STYXL2: variants seen among roughly 807,000 people sequenced by gnomAD.
The protein encoded by STYXL2 is serine/threonine/tyrosine interacting like 2.
STYXL2 carries 44 observed loss-of-function variants against 52.4 expected under a neutral mutation model. The observed-to-expected ratio is 0.84, with a 90% CI of 0.66 to 1.08. STYXL2 has a LOEUF of 1.08. Ranked by LOEUF, STYXL2 falls within the 50% of genes least tolerant of loss-of-function variation. The probability of loss-of-function intolerance (pLI) is 0.00; values close to 1 mark genes in which losing one functional copy is unlikely to be tolerated. For synonymous variants in STYXL2, 604 were observed against 586.9 expected, an observed-to-expected ratio of 1.03 and a Z score of -0.42; for missense variants, 1,604 against 1,471.7, an observed-to-expected ratio of 1.09 and a Z score of -1.47.
Position 167,126,040 on chromosome 1 carries a change from C to A in STYXL2, c.909C>A (p.Ser303Arg). ...AEAEEGEGTG[S>R]MLGARVHALT... The stretch of plus-strand genomic sequence containing the variant: ...CTGAGGAGGGCGAGGGCACTGGGAG[C>A]ATGCTCGGGGCCAGAGTGCACGCCC... Residue 303 changes from serine to arginine, a missense_variant, in exon 6 of 6, where the codon AGC becomes AGA. Physicochemically the swap from Ser to Arg is moderately radical, Grantham distance 110. Coordinates refer to ENST00000361200, the MANE Select transcript of STYXL2 (RefSeq NM_001080426.3). The A allele has an allele frequency of 6.3e-7, 1 of 1,586,722 alleles. No individual in the cohort carries two copies.
chr1:167,104,826 T>C (rs933199824), intron 2 of STYXL2, among the ~76,000 whole-genome samples: 1 of 152,144 alleles, frequency 6.6e-6, no homozygotes, highest in African/African-American at 2.4e-5. Flanking sequence ...CTACCTCCAT[T>C]TCACTTCCAA....
At position 167,117,302 on chromosome 1, in the gene STYXL2, A is replaced by C. The variant is rs368162787; in HGVS notation, c.206-26A>C. On this transcript the variant is annotated intron_variant, in intron 3 of 5. Transcript: ENST00000361200. ...AGGCCATGATGTTCCTAACTCTCTG[A>C]TGAGAATGCTGCCTGTCTCCTCTAG... 11 of 1,571,492 alleles carry C rather than the reference A, an allele frequency of 7.0e-6. No homozygotes were observed. The African/African-American group carries it at 1.4e-4, about 19-fold the overall frequency.
At chr1:167,095,295 T>G (rs1226829896) in intron 2 of STYXL2, among the ~76,000 whole-genome samples, 2 of 151,114 alleles carry the variant, frequency 1.3e-5, no homozygotes, top group Non-Finnish European at 2.9e-5. Flanking sequence ...GAGTAGGAAT[T>G]TGGCCCTGCT....
In STYXL2 at chr1:167,127,141, C is replaced by T. The variant is rs200893444; in HGVS notation, c.2010C>T (p.Ser670=). ...TCTGGTCTGCAGACCCCTCAGTCAG[C>T]GCTGATGGGGACACGACGTCAGTAC... ...SAFWSADPSV[S]ADGDTTSVLS... Residue 670 remains serine (S), a synonymous_variant, in exon 6 of 6, where the codon AGC becomes AGT. Coordinates refer to ENST00000361200, the MANE Select transcript of STYXL2 (RefSeq NM_001080426.3). 347 of 1,613,968 alleles carry T rather than the reference C, an allele frequency of 2.1e-4. No individual in the cohort carries two copies. The highest frequency in any genetic ancestry group is 2.8e-4 in the Non-Finnish European group (326 of 1,179,978).
At chr1:167,113,686 C>A in intron 2 of STYXL2, 24 bp from the exon 3 acceptor site, 1 of 1,561,688 alleles carries the variant, frequency 6.4e-7, no homozygotes, top group Non-Finnish European at 8.8e-7. Context: ...AGGCTTATCT[C>A]ACGTGAATAT....
rs977750053 is a variant in STYXL2 at position 167,112,452 on chromosome 1, G to C, written c.111-1258G>C. On this transcript the variant is annotated intron_variant, in intron 2 of 5. Transcript: ENST00000361200. ...TCTCAGCTCAAGTTAGCTTTGTTCA[G>C]CTCATCGGGATTCTGCTCAACTCAA... Among the ~76,000 whole-genome samples, 11 of 152,192 alleles carry C rather than the reference G, an allele frequency of 7.2e-5. 1 individual carries two copies. In the South Asian group the frequency reaches 2.3e-3, roughly 31 times the overall value.
intron 5 of STYXL2, 42 bp downstream of exon 5, chr1:167,119,508 G>C (rs1667803765): frequency 6.4e-7 from 1 of 1,567,550 alleles, no homozygotes; most frequent in African/African-American, 1.3e-5. Context: ...AATTCCACGG[G>C]GGAAAAGTAA....
Position 167,121,957 on chromosome 1 carries a change from G to A in STYXL2, c.655+2491G>A, listed in dbSNP as rs147552853. ...CCCTAGAATTACTCCCTGAGCCTTAGGTCCTGTGGTTTTCTCTGCTTTAGG... is the reference window on the plus strand; with the variant it reads ...CCCTAGAATTACTCCCTGAGCCTTAAGTCCTGTGGTTTTCTCTGCTTTAGG... On this transcript the variant is annotated intron_variant, in intron 5 of 5. Coordinates refer to ENST00000361200, the MANE Select transcript of STYXL2 (RefSeq NM_001080426.3). Among the ~76,000 whole-genome samples the A allele has an allele frequency of 5.3e-5, 8 of 152,282 alleles. No homozygotes were observed. The South Asian group carries it at 1.2e-3, about 24-fold the overall frequency.
Position 167,127,605 on chromosome 1 carries a change from GC to G in STYXL2, c.2476del (p.Leu826SerfsTer8), listed in dbSNP as rs1361766439. The G allele has an allele frequency of 4.3e-6, 7 of 1,614,046 alleles. No individual in the cohort carries two copies. The East Asian group carries it at 1.3e-4, about 31-fold the overall frequency. On this transcript the variant is annotated frameshift_variant, in exon 6 of 6. Coordinates refer to ENST00000361200, the MANE Select transcript of STYXL2 (RefSeq NM_001080426.3). LOFTEE classifies it high-confidence loss of function. ...AGGGGGACCAGCAAGCCCATCTTCAGCCTCTTTGCTGACAATGTGGACCTAA... is the reference window on the plus strand; with the variant it reads ...AGGGGGACCAGCAAGCCCATCTTCAGCTCTTTGCTGACAATGTGGACCTAA... Reference protein sequence around the residue: ...KVRGTSKPIFSLFADNVDLKE... With the variant: ...KVRGTSKPIFXLFADNVDLKE...
chr1:167,128,632 G>A lies in STYXL2; in HGVS notation c.*24G>A. ...GAGCTGGGGAAAATCTGAGAACACTGAAAGAAACCACTCACGTTAGCATAG... is the reference window on the plus strand; with the variant it reads ...GAGCTGGGGAAAATCTGAGAACACTAAAAGAAACCACTCACGTTAGCATAG... On this transcript the variant is annotated 3_prime_UTR_variant, in exon 6 of 6. Coordinates refer to ENST00000361200, the MANE Select transcript of STYXL2 (RefSeq NM_001080426.3). The A allele has an allele frequency of 6.3e-7, 1 of 1,593,948 alleles. No individual in the cohort carries two copies.
At chr1:167,111,245 T>G (rs1667609720) in intron 2 of STYXL2, among the ~76,000 whole-genome samples, 2 of 151,766 alleles carry the variant, frequency 1.3e-5, no homozygotes, top group East Asian at 3.9e-4. Flanking sequence ...TGTAAACTAG[T>G]ACAACCACTA....
chr1:167,120,733 C>T (rs1667834652), intron 5 of STYXL2, among the ~76,000 whole-genome samples: 1 of 151,472 alleles, frequency 6.6e-6, no homozygotes, highest in Non-Finnish European at 1.5e-5. Flanking sequence ...CCTCCCACCT[C>T]GGCCTCCCAA....
chr1:167,103,982 T>C (rs1307304944), intron 2 of STYXL2, among the ~76,000 whole-genome samples: 1 of 151,934 alleles, frequency 6.6e-6, no homozygotes, highest in Non-Finnish European at 1.5e-5. Flanking sequence ...TAGCCTGGTG[T>C]GGTGGTGGGC....
intron 4 of STYXL2, among the ~76,000 whole-genome samples, chr1:167,118,201 A>G (rs966915146): frequency 5.9e-5 from 9 of 152,212 alleles, no homozygotes; most frequent in Non-Finnish European, 1.2e-4. Flanking sequence ...TCCAAAAACT[A>G]TTATTTTCTA....
intron 2 of STYXL2, among the ~76,000 whole-genome samples, chr1:167,098,006 T>A: frequency 3.3e-5 from 2 of 60,006 alleles, no homozygotes; most frequent in Non-Finnish European, 3.5e-5. Flanking sequence ...CTACAAACTT[T>A]TTTTTTTTTT....
chr1:167,125,167 T>C (rs1417010137), intron 5 of STYXL2, among the ~76,000 whole-genome samples: 1 of 152,218 alleles, frequency 6.6e-6, no homozygotes, highest in Non-Finnish European at 1.5e-5. Flanking sequence ...TAGTTGACTT[T>C]ATAATGTCAG....
At chr1:167,097,471 C>T (rs1005025294) in intron 2 of STYXL2, among the ~76,000 whole-genome samples, 11 of 152,114 alleles carry the variant, frequency 7.2e-5, no homozygotes, top group African/African-American at 2.7e-4. Flanking sequence ...TGATAGTTAT[C>T]TTGGGAGGTT....
At position 167,113,850 on chromosome 1, in the gene STYXL2, T is replaced by C. The variant is rs773568857; in HGVS notation, c.205+46T>C. The C allele has an allele frequency of 5.4e-6, 8 of 1,469,870 alleles. No individual in the cohort carries two copies. The Admixed American group carries it at 1.3e-4, about 25-fold the overall frequency. 91.1% of individuals were successfully genotyped at this position (1,469,870 alleles called of 1,614,324 possible). A position where few individuals can be genotyped will look rare whatever the true frequency, so the allele number is the denominator to read the frequency against. On this transcript the variant is annotated intron_variant, in intron 3 of 5. Coordinates refer to ENST00000361200, the MANE Select transcript of STYXL2 (RefSeq NM_001080426.3). ...GTGGAAGCAAAGTCCAGTGGTCATC[T>C]GGAGACCCTTAGAGGGGGGCCATTG...
chr1:167,097,272 A>C (rs1005469263), intron 2 of STYXL2, among the ~76,000 whole-genome samples: 5 of 152,172 alleles, frequency 3.3e-5, no homozygotes, highest in Admixed American at 1.3e-4. Flanking sequence ...GACTGTTTTA[A>C]GGTTTATGCC....
Sources: gnomAD v4.1 joint callset for allele counts (sites outside exome capture counted in the v4.1 genomes callset) on GRCh38, gnomAD v4.1.1 for gene constraint, MANE v1.5 for transcripts, NCBI Gene and HGNC (gene_info 2026-07-23, HGNC 2026-07-21) for gene names.